Variants in FANCC observed in about 807,000 individuals in gnomAD.
FANCC encodes Fanconi anemia group C protein.
FANCC carries 55 observed loss-of-function variants against 71.3 expected under a neutral mutation model. The observed-to-expected ratio is 0.77, with a 90% CI of 0.62 to 0.97. The LOEUF is 0.97. Among genes scored for constraint, FANCC ranks in the 50% least tolerant of loss-of-function variants. The pLI is 0.00. For synonymous variants in FANCC, 275 were observed against 244.9 expected (o/e 1.12, Z -1.15); for missense variants, 678 against 670.9 (o/e 1.01, Z -0.12).
At chr9:95,232,687 G>C (rs751008001) in intron 4 of FANCC, among the ~76,000 whole-genome samples, 24 of 152,020 alleles carry the variant, frequency 1.6e-4, no homozygotes, top group Admixed American at 1.4e-3. Context: ...GAACCAAACA[G>C]CTCAAATAGA....
intron 7 of FANCC, among the ~76,000 whole-genome samples, chr9:95,142,775 G>A (rs1300199650): frequency 6.6e-6 from 1 of 152,190 alleles, no homozygotes; most frequent in East Asian, 1.9e-4. Flanking sequence ...AGCTGCGAGT[G>A]TTAGAGTGGT....
intron 1 of FANCC, among the ~76,000 whole-genome samples, chr9:95,304,228 G>A (rs1834934935): frequency 6.6e-6 from 1 of 152,012 alleles, no homozygotes; most frequent in Non-Finnish European, 1.5e-5. Context: ...TCAAGAGGAG[G>A]GAGAAAACAA....
chr9:95,231,107 C>A lies in FANCC; in HGVS notation c.345+9542G>T, dbSNP rs183520244. Among the ~76,000 whole-genome samples the A allele has an allele frequency of 2.2e-3, 331 of 152,294 alleles. 1 individual carries two copies. The highest frequency in any genetic ancestry group is 7.5e-3 in the African/African-American group (312 of 41,564). On this transcript the variant is annotated intron_variant, in intron 4 of 14. Transcript: ENST00000289081. ...TTTTTGTAACTTCACTCCATTTTAC[C>A]AGTCTGATCTTGCATTAGGTTCAAT...
chr9:95,237,905 G>T (rs1830414271), intron 4 of FANCC, among the ~76,000 whole-genome samples: 1 of 152,182 alleles, frequency 6.6e-6, no homozygotes, highest in Non-Finnish European at 1.5e-5. Context: ...GGAATATACT[G>T]AATTAGGTGA....
At chr9:95,260,179 T>A (rs1831935524) in intron 1 of FANCC, among the ~76,000 whole-genome samples, 1 of 152,148 alleles carries the variant, frequency 6.6e-6, no homozygotes, top group Admixed American at 6.5e-5. Context: ...GACCCAGCAA[T>A]CCCATTACTG....
intron 1 of FANCC, among the ~76,000 whole-genome samples, chr9:95,307,852 A>G (rs550692175): frequency 1.3e-5 from 2 of 152,306 alleles, no homozygotes; most frequent in Admixed American, 6.5e-5. Flanking sequence ...GTGCTGCTAT[A>G]CCAGAATATG....
intron 4 of FANCC, among the ~76,000 whole-genome samples, chr9:95,197,438 C>A (rs766197130): frequency 7.9e-5 from 12 of 152,086 alleles, no homozygotes; most frequent in Non-Finnish European, 1.8e-4. Flanking sequence ...ACTTGAGAAG[C>A]TGAGGTTGGA....
At chr9:95,281,370 C>G (rs1833375403) in intron 1 of FANCC, among the ~76,000 whole-genome samples, 1 of 151,764 alleles carries the variant, frequency 6.6e-6, no homozygotes, top group African/African-American at 2.4e-5. Context: ...GAAACATTGT[C>G]CTGAAGAAAT....
intron 4 of FANCC, among the ~76,000 whole-genome samples, chr9:95,194,115 G>A (rs1231224276): frequency 6.6e-6 from 1 of 152,086 alleles, no homozygotes. Flanking sequence ...TGCAGCCAGG[G>A]CCAAAACTCA....
chr9:95,169,933 T>C (rs552179669), intron 6 of FANCC, among the ~76,000 whole-genome samples: 9 of 152,356 alleles, frequency 5.9e-5, no homozygotes, highest in African/African-American at 2.2e-4. Flanking sequence ...TGTTTGCCTC[T>C]TTATGATTTA....
At position 95,111,635 on chromosome 9, in the gene FANCC, G is replaced by C; in HGVS notation, c.1157C>G (p.Ser386Cys). The C allele has an allele frequency of 6.2e-7, 1 of 1,614,136 alleles. No individual in the cohort carries two copies. Among genetic ancestry groups the C allele is most frequent in the South Asian group, 1.1e-5 (1 of 91,086 alleles). Residue 386 changes from serine (S) to cysteine (C), a missense_variant and splice_region_variant, in exon 13 of 15, where the codon TCC (serine) becomes TGC (cysteine). Transcript: ENST00000289081. ...CCAGCTCTCAAAGGGACCTCCGCAG[G>C]ACCTGGAACAGAGGCAGAACACATG... ...REAVEDQTHGSCGGPFESWFL... is the reference protein window; with the variant it reads ...REAVEDQTHGCCGGPFESWFL...
intron 14 of FANCC, among the ~76,000 whole-genome samples, chr9:95,106,655 G>C (rs543544972): frequency 6.6e-6 from 1 of 152,348 alleles, no homozygotes; most frequent in South Asian, 2.1e-4. Context: ...AAGATTAACA[G>C]AATTCTTTGC....
chr9:95,189,620 A>G (rs73532195), intron 4 of FANCC, among the ~76,000 whole-genome samples: 5,087 of 152,330 alleles, frequency 0.033, 294 homozygotes, highest in African/African-American at 0.12. Context: ...AACCGTATCT[A>G]TAAGAATGTA....
chr9:95,266,707 T>C (rs1053963287), intron 1 of FANCC, among the ~76,000 whole-genome samples: 2 of 152,188 alleles, frequency 1.3e-5, no homozygotes, highest in African/African-American at 2.4e-5. Context: ...TAGAGAACCA[T>C]AGCACCCTAA....
chr9:95,206,389 G>A (rs1828123278), intron 4 of FANCC, among the ~76,000 whole-genome samples: 1 of 151,882 alleles, frequency 6.6e-6, no homozygotes, highest in Non-Finnish European at 1.5e-5. Context: ...CGCGGTCTGT[G>A]CCATGTTGTA....
At chr9:95,299,775 T>C (rs1253758591) in intron 1 of FANCC, among the ~76,000 whole-genome samples, 5 of 152,162 alleles carry the variant, frequency 3.3e-5, no homozygotes, top group East Asian at 3.9e-4. Context: ...GTGGGAGAAT[T>C]GTTTAAGCCT....
intron 1 of FANCC, among the ~76,000 whole-genome samples, chr9:95,306,343 G>A (rs568164229): frequency 6.6e-6 from 1 of 152,238 alleles, no homozygotes; most frequent in African/African-American, 2.4e-5. Context: ...CATTCATTGA[G>A]GGTTTCAGGG....
intron 10 of FANCC, among the ~76,000 whole-genome samples, chr9:95,118,769 G>A (rs532813995): frequency 1.1e-4 from 16 of 152,346 alleles, no homozygotes; most frequent in South Asian, 2.1e-4. Context: ...TTGCTCAGAA[G>A]TAGTCTGAAT....
At chr9:95,230,233 GTGCGGTGTAGTGCGGC>G (rs753901094) in intron 4 of FANCC, among the ~76,000 whole-genome samples, 1 of 152,148 alleles carries the variant, frequency 6.6e-6, no homozygotes, top group Non-Finnish European at 1.5e-5. Context: ...CCAGGGTTCC[GTGCGGTGTAGTGCGGC>G]TGCAGTGCAG....
Sources: allele counts gnomAD v4.1 joint callset (sites outside exome capture counted in the v4.1 genomes callset), GRCh38; gene constraint gnomAD v4.1.1; transcripts MANE v1.5; gene names NCBI Gene and HGNC (gene_info 2026-07-23, HGNC 2026-07-21).